The following FOXP2 variants were observed in gnomAD, a reference collection of about 807,000 sequenced individuals.
FOXP2 encodes the protein forkhead box P2.
Under a neutral mutation model 115.8 loss-of-function variants are expected in FOXP2, and 12 were observed. The observed-to-expected ratio is 0.10, with a 90% CI of 0.07 to 0.17. The LOEUF (loss-of-function observed/expected upper bound fraction) is 0.17, where lower values mean the gene tolerates loss of function less well. Ranked by LOEUF, FOXP2 falls within the 10% of genes least tolerant of loss-of-function variation. The pLI is 1.00. For missense variants in FOXP2, 629 were observed against 843.5 expected (o/e 0.75, Z 3.15); for synonymous variants, 328 against 297.7 (o/e 1.10, Z -1.05).
chr7:114,358,330 A>G (rs1791663627), intron 2 of FOXP2, among the ~76,000 whole-genome samples: 1 of 152,170 alleles, frequency 6.6e-6, no homozygotes, highest in South Asian at 2.1e-4. Context: ...CCAGTCTCCA[A>G]TATTTCTTCA....
intron 2 of FOXP2, among the ~76,000 whole-genome samples, chr7:114,470,937 G>C (rs924304790): frequency 2.0e-5 from 3 of 151,918 alleles, no homozygotes; most frequent in African/African-American, 4.8e-5. Flanking sequence ...ATAACCCTGG[G>C]GTGTCTTTCT....
intron 2 of FOXP2, among the ~76,000 whole-genome samples, chr7:114,340,452 C>T (rs1791174608): frequency 6.6e-6 from 1 of 151,076 alleles, no homozygotes; most frequent in African/African-American, 2.4e-5. Flanking sequence ...TGATTACTTT[C>T]CATATCATTC....
chr7:114,208,949 A>G (rs1157836640), intron 1 of FOXP2, among the ~76,000 whole-genome samples: 1 of 151,892 alleles, frequency 6.6e-6, no homozygotes, highest in African/African-American at 2.4e-5. Context: ...AGACTAATAC[A>G]AAGGGCATGA....
At chr7:114,623,012 G>A (rs1804337054) in intron 3 of FOXP2, among the ~76,000 whole-genome samples, 1 of 151,842 alleles carries the variant, frequency 6.6e-6, no homozygotes, top group South Asian at 2.1e-4. Flanking sequence ...TGGTGCACCT[G>A]TCTCCCAAAT....
intron 1 of FOXP2, among the ~76,000 whole-genome samples, chr7:114,211,966 G>C (rs1393317268): frequency 6.6e-6 from 1 of 151,888 alleles, no homozygotes; most frequent in African/African-American, 2.4e-5. Context: ...CCAGCTACTC[G>C]GGAGGCTGAG....
At chr7:114,247,679 T>C (rs1795321967) in intron 1 of FOXP2, among the ~76,000 whole-genome samples, 1 of 152,222 alleles carries the variant, frequency 6.6e-6, no homozygotes, top group African/African-American at 2.4e-5. Context: ...TTTATTTGTT[T>C]TGCATGTTTA....
At chr7:114,086,781 A>G (rs371714516), upstream of FOXP2, among the ~76,000 whole-genome samples, 14 of 152,296 alleles carry the variant, frequency 9.2e-5, no homozygotes, top group East Asian at 2.1e-3. Context: ...CGAGTGTGAC[A>G]TGTGTCAAAT....
At chr7:114,181,304 AT>A (rs1180978792) in intron 1 of FOXP2, among the ~76,000 whole-genome samples, 1 of 150,548 alleles carries the variant, frequency 6.6e-6, no homozygotes, top group African/African-American at 2.4e-5. Context: ...AAAATGAAGG[AT>A]TAAAGTATAA....
intron 2 of FOXP2, among the ~76,000 whole-genome samples, chr7:114,348,191 A>G (rs909804127): frequency 6.6e-6 from 1 of 152,096 alleles, no homozygotes; most frequent in South Asian, 2.1e-4. Flanking sequence ...GGTAAGTCAA[A>G]TACATTTAAA....
chr7:114,368,577 C>T (rs1336110495), intron 2 of FOXP2, among the ~76,000 whole-genome samples: 3 of 152,134 alleles, frequency 2.0e-5, no homozygotes, highest in African/African-American at 7.2e-5. Flanking sequence ...TAAAATACCT[C>T]TGCCATTTTT....
rs1461928606 is a variant in FOXP2, at chr7:114,490,480, A to G, written c.169-44137A>G. Among the ~76,000 whole-genome samples, 16 of 152,082 alleles carry G rather than the reference A, an allele frequency of 1.1e-4. No individual in the cohort carries two copies. The East Asian group carries it at 1.7e-3, about 17-fold the overall frequency. ...GTAAAACTACTTTCTATGATATTCT[A>G]TACTCTAATGGTGGATGCATGTCAT... is the stretch of plus-strand genomic sequence containing the variant. On this transcript the variant is annotated intron_variant, in intron 2 of 16. Coordinates refer to ENST00000350908, the MANE Select transcript of FOXP2 (RefSeq NM_014491.4).
At chr7:114,543,264 C>T (rs1418620938) in intron 3 of FOXP2, among the ~76,000 whole-genome samples, 2 of 151,992 alleles carry the variant, frequency 1.3e-5, no homozygotes, top group Non-Finnish European at 2.9e-5. Flanking sequence ...AAATTGTATT[C>T]TCTGTTTAGA....
rs192071238 is a variant in FOXP2 at position 114,152,220 on chromosome 7, C to T, written c.-246-10724C>T. ...GGCACAATGATGAAACAAATTGTTCCGACATTATCTATTGAATACATAATT... is the reference window on the plus strand; with the variant it reads ...GGCACAATGATGAAACAAATTGTTCTGACATTATCTATTGAATACATAATT... On this transcript the variant is annotated intron_variant, in intron 1 of 19. Coordinates refer to the FOXP2 transcript ENST00000635638. Among the ~76,000 whole-genome samples the T allele has an allele frequency of 2.3e-4, 35 of 152,056 alleles. 1 individual carries two copies. Among genetic ancestry groups the T allele is most frequent in the East Asian group, 7.7e-4 (4 of 5,170 alleles).
chr7:114,126,344 G>T (rs569294388), intron 1 of FOXP2, among the ~76,000 whole-genome samples: 64 of 152,092 alleles, frequency 4.2e-4, no homozygotes, highest in Non-Finnish European at 8.8e-4. Context: ...GTGTCAGTAT[G>T]TATGTGTGTG....
At chr7:114,232,323 A>G (rs1440052173) in intron 1 of FOXP2, among the ~76,000 whole-genome samples, 1 of 152,182 alleles carries the variant, frequency 6.6e-6, no homozygotes, top group African/African-American at 2.4e-5. Context: ...CCAAAAATTA[A>G]AAATAGAACT....
At chr7:114,201,601 G>C (rs1001509488) in intron 1 of FOXP2, among the ~76,000 whole-genome samples, 11 of 151,950 alleles carry the variant, frequency 7.2e-5, no homozygotes, top group Admixed American at 2.6e-4. Flanking sequence ...TCTATTAAAG[G>C]ATTATAGTTG....
intron 2 of FOXP2, among the ~76,000 whole-genome samples, chr7:114,288,365 T>A (rs758404224): frequency 6.6e-6 from 1 of 151,848 alleles, no homozygotes; most frequent in Non-Finnish European, 1.5e-5. Flanking sequence ...TATACACTTA[T>A]GGGGAATATG....
chr7:114,568,853 A>T (rs1319083257), intron 3 of FOXP2, among the ~76,000 whole-genome samples: 1 of 151,848 alleles, frequency 6.6e-6, no homozygotes, highest in Non-Finnish European at 1.5e-5. Context: ...GTACTCCTCC[A>T]GGAGTGAGAC....
intron 2 of FOXP2, among the ~76,000 whole-genome samples, chr7:114,501,321 T>C (rs1016242291): frequency 1.3e-5 from 2 of 152,208 alleles, no homozygotes; most frequent in African/African-American, 4.8e-5. Flanking sequence ...TTATTATTTT[T>C]GATACATCTT....
Sources: allele counts gnomAD v4.1 joint callset (sites outside exome capture counted in the v4.1 genomes callset), GRCh38; gene constraint gnomAD v4.1.1; transcripts MANE v1.5; gene names NCBI Gene and HGNC (gene_info 2026-07-23, HGNC 2026-07-21).